CBL: variants seen among roughly 807,000 people sequenced by gnomAD.
CBL encodes the protein E3 ubiquitin-protein ligase CBL.
In CBL, 45 loss-of-function variants were observed where a neutral mutation model predicts 96.9. The ratio of observed to expected loss-of-function variants is 0.46; its 90% CI spans 0.37 to 0.60. The LOEUF (loss-of-function observed/expected upper bound fraction) is 0.60, where lower values mean the gene tolerates loss of function less well. CBL is among the 20% of genes least tolerant of loss of function. The pLI is 0.00. For synonymous variants in CBL, 420 were observed against 426.8 expected (o/e 0.98, Z 0.20); for missense variants, 1,024 against 1,143.5 (o/e 0.90, Z 1.51).
intron 9 of CBL, 57 bp downstream of exon 9, chr11:119,278,770 G>T: frequency 7.5e-7 from 1 of 1,338,076 alleles, no homozygotes; most frequent in Non-Finnish European, 1.1e-6. Flanking sequence ...TTCTAAAGCC[G>T]TAAAACACTT....
chr11:119,240,701 A>G (rs1180124481), intron 2 of CBL, among the ~76,000 whole-genome samples: 2 of 152,164 alleles, frequency 1.3e-5, no homozygotes, highest in East Asian at 1.9e-4. Context: ...GTGTTCCTTC[A>G]TAGCCATGTG....
rs544322678 is a variant in CBL, at chr11:119,307,525, G to A, written c.*7744G>A. On this transcript the variant is annotated 3_prime_UTR_variant, in exon 16 of 16. Coordinates refer to ENST00000264033, the MANE Select transcript of CBL (RefSeq NM_005188.4). ...GCAGCTAGTGCCCTCTGCAGGGCCTGGTTTCCCCAGGGAAGGGCAGCAAGG... is the reference window on the plus strand; with the variant it reads ...GCAGCTAGTGCCCTCTGCAGGGCCTAGTTTCCCCAGGGAAGGGCAGCAAGG... The A allele has an allele frequency of 4.3e-6, 1 of 232,146 alleles. No homozygotes were observed. Among genetic ancestry groups the A allele is most frequent in the East Asian group, 6.1e-5 (1 of 16,390 alleles). The allele number at this position is 232,146 out of a possible 1,614,324, so 14.4% of individuals were successfully genotyped here. A position where few individuals can be genotyped will look rare whatever the true frequency, so the allele number is the denominator to read the frequency against.
chr11:119,243,316 C>T (rs1001060638), intron 2 of CBL, among the ~76,000 whole-genome samples: 102 of 151,890 alleles, frequency 6.7e-4, no homozygotes, highest in African/African-American at 2.3e-3. Flanking sequence ...TTAATAAGTT[C>T]ACTGGTAGGA....
intron 1 of CBL, among the ~76,000 whole-genome samples, chr11:119,215,808 C>A (rs1949355178): frequency 6.6e-6 from 1 of 151,540 alleles, no homozygotes; most frequent in Non-Finnish European, 1.5e-5. Flanking sequence ...GCCTGAGCGA[C>A]AGAGCTAGAC....
intron 2 of CBL, among the ~76,000 whole-genome samples, chr11:119,248,052 C>G (rs1298990185): frequency 1.3e-5 from 2 of 152,098 alleles, no homozygotes; most frequent in African/African-American, 2.4e-5. Flanking sequence ...GCAGTATTCC[C>G]CATGTTGATA....
At chr11:119,211,197 C>T (rs999824842) in intron 1 of CBL, among the ~76,000 whole-genome samples, 2 of 151,976 alleles carry the variant, frequency 1.3e-5, no homozygotes, top group African/African-American at 4.8e-5. Context: ...AAAGGTGAAA[C>T]CCTGTCTCTA....
chr11:119,211,190 G>A (rs1949315719), intron 1 of CBL, among the ~76,000 whole-genome samples: 1 of 152,056 alleles, frequency 6.6e-6, no homozygotes, highest in Admixed American at 6.6e-5. Context: ...TGGCCAAAAA[G>A]GTGAAACCCT....
chr11:119,220,079 A>G (rs146998207), intron 1 of CBL, among the ~76,000 whole-genome samples: 7,368 of 151,924 alleles, frequency 0.048, 592 homozygotes, highest in African/African-American at 0.17. Flanking sequence ...CGAACTCCTG[A>G]CCTTGTGACC....
chr11:119,297,278 T>C (rs1044860722), intron 13 of CBL, 106 bp from the exon 14 acceptor site: 2 of 948,572 alleles, frequency 2.1e-6, no homozygotes, highest in Admixed American at 1.8e-5. Context: ...GAGTCAACTT[T>C]AACATTTATT....
At chr11:119,238,667 T>TA (rs879516374) in intron 2 of CBL, among the ~76,000 whole-genome samples, 51 of 152,188 alleles carry the variant, frequency 3.4e-4, no homozygotes, top group Admixed American at 1.2e-3. Flanking sequence ...CCGTCTCTAC[T>TA]AAAAATACAA....
intron 1 of CBL, among the ~76,000 whole-genome samples, chr11:119,224,204 A>C (rs1949436556): frequency 6.6e-6 from 1 of 152,208 alleles, no homozygotes; most frequent in Non-Finnish European, 1.5e-5. Flanking sequence ...AATGTTTTGG[A>C]AACATTTTGT....
chr11:119,276,563 G>A (rs1839342130), intron 6 of CBL, among the ~76,000 whole-genome samples: 1 of 152,068 alleles, frequency 6.6e-6, no homozygotes, highest in South Asian at 2.1e-4. Flanking sequence ...ATTTCTTCAG[G>A]CCTTGGGCTA....
chr11:119,220,670 G>A (rs1949400911), intron 1 of CBL, among the ~76,000 whole-genome samples: 1 of 152,186 alleles, frequency 6.6e-6, no homozygotes, highest in Non-Finnish European at 1.5e-5. Context: ...TGTATTGAAT[G>A]TATTTTTTCT....
intron 1 of CBL, 76 bp downstream of exon 1, chr11:119,206,688 G>A: frequency 1.7e-5 from 24 of 1,453,710 alleles, no homozygotes; most frequent in Non-Finnish European, 2.2e-5. Context: ...ACGAGCGGAC[G>A]GAGGAAGCGG....
intron 9 of CBL, among the ~76,000 whole-genome samples, chr11:119,283,350 C>G (rs1345581484): frequency 6.6e-6 from 1 of 152,156 alleles, no homozygotes; most frequent in Non-Finnish European, 1.5e-5. Context: ...GCTTTTCTGT[C>G]ATCCACCACC....
In CBL at chr11:119,299,862, TC is replaced by T; in HGVS notation, c.*83del. On this transcript the variant is annotated 3_prime_UTR_variant, in exon 16 of 16. Coordinates refer to ENST00000264033, the MANE Select transcript of CBL (RefSeq NM_005188.4). ...AAGTGGCACCTAGAAGGGCAGGAGT[TC>T]CTTTGGTGACTTCACAGTGAAGTCT... 7.3e-7 allele frequency: 1 copy of T among 1,378,786 alleles called. No individual in the cohort carries two copies. Among genetic ancestry groups the T allele is most frequent in the Non-Finnish European group, 1.0e-6 (1 of 975,688 alleles). 85.4% of individuals were successfully genotyped at this position (1,378,786 alleles called of 1,614,324 possible).
At position 119,278,565 on chromosome 11, in the gene CBL, C is replaced by G. The variant is rs2135304534; in HGVS notation, c.1283C>G (p.Pro428Arg). 1 of 1,614,088 alleles carries G rather than the reference C, an allele frequency of 6.2e-7. No individual in the cohort carries two copies. Among genetic ancestry groups the G allele is most frequent in the Non-Finnish European group, 8.5e-7 (1 of 1,180,008 alleles). The change falls in exon 9 of 16, where the codon CCC becomes CGC. Residue 428 changes from proline (P) to arginine (R), a missense_variant. Pro to Arg is a moderately radical substitution (Grantham distance 103). This residue lies in a region of CBL where 695 missense variants were observed against 661.6 expected (regional missense o/e 1.05). Transcript: ENST00000264033. ...CGATGTGAAATTAAAGGTACTGAACCCATCGTGGTAGATCCGTTTGATCCT... is the reference window on the plus strand; with the variant it reads ...CGATGTGAAATTAAAGGTACTGAACGCATCGTGGTAGATCCGTTTGATCCT... Reference protein sequence around the residue: ...FCRCEIKGTEPIVVDPFDPRG... With the variant: ...FCRCEIKGTERIVVDPFDPRG...
In CBL at chr11:119,206,348, C is replaced by T. The variant is rs965944164; in HGVS notation, c.-70C>T. Reference sequence around the variant, plus strand: ...CCGGGAGAGGCCCCTCCTTCACGCCCTGCTTCTCTCCCTCGCTCGCAGTCG... The same window carrying T: ...CCGGGAGAGGCCCCTCCTTCACGCCTTGCTTCTCTCCCTCGCTCGCAGTCG... On this transcript the variant is annotated 5_prime_UTR_variant, in exon 1 of 16. Coordinates refer to ENST00000264033, the MANE Select transcript of CBL (RefSeq NM_005188.4). 18 of 1,279,048 alleles carry T rather than the reference C, an allele frequency of 1.4e-5. No individual in the cohort carries two copies. The highest frequency in any genetic ancestry group is 3.1e-5 in the African/African-American group (2 of 63,506). 79.2% of individuals were successfully genotyped at this position (1,279,048 alleles called of 1,614,324 possible). A position where few individuals can be genotyped will look rare whatever the true frequency, so the allele number is the denominator to read the frequency against.
chr11:119,253,039 A>G (rs1592387475), intron 2 of CBL, among the ~76,000 whole-genome samples: 1 of 152,140 alleles, frequency 6.6e-6, no homozygotes, highest in Non-Finnish European at 1.5e-5. Context: ...AGTAGATACA[A>G]AGTGTTTAGC....
Sources: gnomAD v4.1 joint callset for allele counts (sites outside exome capture counted in the v4.1 genomes callset) on GRCh38, gnomAD v4.1.1 for gene constraint, gnomAD v4.1.1 regional missense constraint, MANE v1.5 for transcripts, NCBI Gene and HGNC (gene_info 2026-07-23, HGNC 2026-07-21) for gene names.